The following P3H1 variants were observed in gnomAD, a reference collection of about 807,000 sequenced individuals.
The protein encoded by P3H1 is growth suppressor 1.
Under a neutral mutation model 84.0 loss-of-function variants are expected in P3H1, and 69 were observed. The ratio of observed to expected loss-of-function variants is 0.82; its 90% CI spans 0.68 to 1.00. The LOEUF (loss-of-function observed/expected upper bound fraction) is 1.00, where lower values mean the gene tolerates loss of function less well. P3H1 is among the 50% of genes least tolerant of loss of function. The pLI is 0.00. For synonymous variants in P3H1, 366 were observed against 388.8 expected, an observed-to-expected ratio of 0.94 and a Z score of 0.69; for missense variants, 878 against 962.8, an observed-to-expected ratio of 0.91 and a Z score of 1.17.
At chr1:42,750,892 T>C (rs1318132786) in intron 10 of P3H1, among the ~76,000 whole-genome samples, 5 of 143,708 alleles carry the variant, frequency 3.5e-5, no homozygotes, top group African/African-American at 1.3e-4. Context: ...CTGCCCCTAC[T>C]GGGAAGTGAG....
Position 42,750,337 on chromosome 1 carries a change from C to T in P3H1, c.1570-1G>A, listed in dbSNP as rs765427197. ...GAGGAACTTTGCCTTCTTGCCCCAG[C>T]TGCCAAGGAGACAGATGGTCAGCTG... On this transcript the variant is annotated splice_acceptor_variant, in intron 10 of 14. Transcript: ENST00000296388. LOFTEE classifies it high-confidence loss of function. 1 of 1,614,010 alleles carries T rather than the reference C, an allele frequency of 6.2e-7. No homozygotes were observed. Among genetic ancestry groups the T allele is most frequent in the Non-Finnish European group, 8.5e-7 (1 of 1,179,994 alleles).
intron 2 of P3H1, chr1:42,760,001 T>G (rs1214109396): frequency 2.0e-5 from 3 of 149,416 alleles, no homozygotes; most frequent in East Asian, 4.0e-4. Flanking sequence ...TTTTTTTTTT[T>G]GAGTCGGAGT....
chr1:42,762,559 G>A (rs1652779079), intron 1 of P3H1, 84 bp from the exon 2 acceptor site: 1 of 1,464,012 alleles, frequency 6.8e-7, no homozygotes, highest in Admixed American at 1.7e-5. Flanking sequence ...CACATAAACA[G>A]GAAATCCCTG....
chr1:42,748,093 G>T, intron 12 of P3H1, 107 bp downstream of exon 12: 2 of 827,144 alleles, frequency 2.4e-6, no homozygotes, highest in Non-Finnish European at 4.0e-6. Flanking sequence ...GGAACAGCTA[G>T]CCCCAACCAG....
chr1:42,755,321 C>T (rs773655584), intron 6 of P3H1, 104 bp from the exon 7 acceptor site: 66 of 1,181,176 alleles, frequency 5.6e-5, no homozygotes, highest in Admixed American at 1.1e-4. Context: ...AGCTTATCAC[C>T]CTCTTCCTTT....
chr1:42,747,233 A>C (rs1430552392), intron 14 of P3H1, 39 bp downstream of exon 14: 6 of 1,613,978 alleles, frequency 3.7e-6, no homozygotes, highest in Non-Finnish European at 5.1e-6. Context: ...ACGGGTCACC[A>C]CAGCACCAGC....
chr1:42,758,193 T>C (rs149358802), intron 4 of P3H1, among the ~76,000 whole-genome samples: 120 of 152,380 alleles, frequency 7.9e-4, no homozygotes, highest in African/African-American at 2.8e-3. Flanking sequence ...ATTCTCTGCA[T>C]GCCCACATCT....
chr1:42,752,252 G>T (rs1196195116), intron 10 of P3H1, 22 bp downstream of exon 10: 3 of 1,583,670 alleles, frequency 1.9e-6, no homozygotes, highest in East Asian at 4.5e-5. Flanking sequence ...CCACACTCTA[G>T]AATGCCCAGT....
At chr1:42,764,838 C>A (rs1275232014) in intron 1 of P3H1, among the ~76,000 whole-genome samples, 1 of 152,142 alleles carries the variant, frequency 6.6e-6, no homozygotes, top group Non-Finnish European at 1.5e-5. Context: ...TCAGGTCTGT[C>A]CCTTTCATGG....
At chr1:42,752,457 C>A in intron 9 of P3H1, 80 bp downstream of exon 9, 1 of 1,611,250 alleles carries the variant, frequency 6.2e-7, no homozygotes, top group East Asian at 2.2e-5. Flanking sequence ...AAGAGGAAGG[C>A]GAAGGCTACC....
At position 42,766,994 on chromosome 1, in the gene P3H1, C is replaced by A. The variant is rs758399107; in HGVS notation, c.-23G>T. ...CATCGCTCCCTCAGACCTAACGGAA[C>A]CGCCAGCCACCCGCCACCAAGGCCG... On this transcript the variant is annotated 5_prime_UTR_variant, in exon 1 of 15. Transcript: ENST00000296388. The A allele has an allele frequency of 3.0e-5, 48 of 1,601,448 alleles. No homozygotes were observed. Among genetic ancestry groups the A allele is most frequent in the Non-Finnish European group, 8.5e-6 (10 of 1,178,418 alleles).
At chr1:42,762,795 CATAAT>C (rs778064315) in intron 1 of P3H1, among the ~76,000 whole-genome samples, 11 of 152,096 alleles carry the variant, frequency 7.2e-5, no homozygotes, top group Non-Finnish European at 1.6e-4. Context: ...TGACTGCCCA[CATAAT>C]ATGTTTTCAT....
At chr1:42,757,981 C>G (rs1652498436) in intron 4 of P3H1, 59 bp from the exon 5 acceptor site, 2 of 1,519,976 alleles carry the variant, frequency 1.3e-6, no homozygotes, top group Non-Finnish European at 9.1e-7. Context: ...GGATAAAATC[C>G]TAGCACCAGG....
chr1:42,749,234 T>TTG (rs1343808904), intron 11 of P3H1, among the ~76,000 whole-genome samples: 3 of 152,232 alleles, frequency 2.0e-5, no homozygotes, highest in Non-Finnish European at 1.5e-5. Context: ...ACACACCCAG[T>TTG]TGTGTGTCTG....
At chr1:42,752,908 C>T (rs934483691) in intron 8 of P3H1, among the ~76,000 whole-genome samples, 1 of 152,184 alleles carries the variant, frequency 6.6e-6, no homozygotes, top group Non-Finnish European at 1.5e-5. Context: ...ATGACACACT[C>T]TTGAGGAAAC....
rs778112421 is a variant in P3H1, at chr1:42,759,346, T to A, written c.663A>T (p.Pro221=). The A allele has an allele frequency of 6.2e-7, 1 of 1,614,182 alleles. No individual in the cohort carries two copies. The highest frequency in any genetic ancestry group is 1.1e-5 in the South Asian group (1 of 91,088). ...LGVRLYSEEQ[P]QEAVPHLEAA... ...CCTCTAGGTGGGGCACAGCTTCCTG[T>A]GGCTGTTCCTCTGAGTAGAGTCGCA... Residue 221 remains proline (P), a synonymous_variant, in exon 3 of 15, where the codon CCA becomes CCT. Transcript: ENST00000296388.
intron 13 of P3H1, 126 bp downstream of exon 13, chr1:42,747,597 G>A (rs2124078874): frequency 8.6e-7 from 1 of 1,157,018 alleles, no homozygotes; most frequent in South Asian, 1.2e-5. Flanking sequence ...AAGCCCCTCT[G>A]GATGGGGGAA....
chr1:42,764,766 C>A (rs57660456), intron 1 of P3H1, among the ~76,000 whole-genome samples: 1,764 of 152,226 alleles, frequency 0.012, 32 homozygotes, highest in African/African-American at 0.041. Context: ...TTAGGTGACC[C>A]AAGGTAAATA....
Position 42,750,220 on chromosome 1 carries a change from G to A in P3H1, c.1686C>T (p.Ser562=), listed in dbSNP as rs747701845. The stretch of plus-strand genomic sequence containing the variant: ...CAGTGCGGCACACCAGATGAGAGTA[G>A]GAAAAGTAGAGGGGCGTATCCAGGC... ...YFRLDTPLYF[S]YSHLVCRTAI... The change falls in exon 11 of 15, where the codon TCC becomes TCT. Residue 562 remains serine, a synonymous_variant. Coordinates refer to ENST00000296388, the MANE Select transcript of P3H1 (RefSeq NM_022356.4). 46 of 1,613,528 alleles carry A rather than the reference G, an allele frequency of 2.9e-5. No homozygotes were observed. Among genetic ancestry groups the A allele is most frequent in the Non-Finnish European group, 3.8e-5 (45 of 1,179,842 alleles).
Sources: gnomAD v4.1 joint callset for allele counts (sites outside exome capture counted in the v4.1 genomes callset) on GRCh38, gnomAD v4.1.1 for gene constraint, MANE v1.5 for transcripts, NCBI Gene and HGNC (gene_info 2026-07-23, HGNC 2026-07-21) for gene names.